RAD51B: variants seen among roughly 807,000 people sequenced by gnomAD.
RAD51B encodes RAD51 paralog B.
Under a neutral mutation model 42.2 loss-of-function variants are expected in RAD51B, and 38 were observed. The observed-to-expected ratio is 0.90, with a 90% CI of 0.70 to 1.18. The LOEUF is 1.18. Ranked by LOEUF, RAD51B falls within the 50% of genes most tolerant of loss-of-function variation. The pLI is 0.00. For synonymous variants in RAD51B, 154 were observed against 145.2 expected, an observed-to-expected ratio of 1.06 and a Z score of -0.43; for missense variants, 373 against 400.7, an observed-to-expected ratio of 0.93 and a Z score of 0.59.
At chr14:67,961,865 G>A (rs1216804737) in intron 7 of RAD51B, among the ~76,000 whole-genome samples, 1 of 152,160 alleles carries the variant, frequency 6.6e-6, no homozygotes, top group Non-Finnish European at 1.5e-5. Context: ...AAGGAAAAGA[G>A]ATCGCTGACT....
intron 10 of RAD51B, among the ~76,000 whole-genome samples, chr14:68,513,086 C>T (rs1334307762): frequency 6.6e-6 from 1 of 152,084 alleles, no homozygotes; most frequent in East Asian, 1.9e-4. Flanking sequence ...TGGGCAGGGG[C>T]CAGCCATGGA....
intron 7 of RAD51B, among the ~76,000 whole-genome samples, chr14:67,992,449 CT>C (rs1253170758): frequency 6.6e-6 from 1 of 152,136 alleles, no homozygotes; most frequent in Non-Finnish European, 1.5e-5. Context: ...TGTTGCCAAA[CT>C]ACCTTAAGGG....
At position 67,893,509 on chromosome 14, in the gene RAD51B, CAAAAAA is replaced by C. The variant is rs71129863; in HGVS notation, c.756+6309_756+6314del. Among the ~76,000 whole-genome samples the C allele has an allele frequency of 5.1e-4, 43 of 83,782 alleles. 1 individual carries two copies. Among genetic ancestry groups the C allele is most frequent in the Admixed American group, 2.3e-3 (18 of 7,828 alleles). The allele number at this position is 83,782 out of a possible 152,430, so 55.0% of individuals were successfully genotyped here. ...ACACACACACACACACACACACACACAAAAAAAAACAATTAGCTGGGTGTGGTGCTA... is the reference window on the plus strand; with the variant it reads ...ACACACACACACACACACACACACACAAACAATTAGCTGGGTGTGGTGCTA... On this transcript the variant is annotated intron_variant, in intron 7 of 10. Coordinates refer to ENST00000471583, the MANE Select transcript of RAD51B (RefSeq NM_133510.4).
chr14:68,439,438 T>TC (rs1272476444), intron 9 of RAD51B, among the ~76,000 whole-genome samples: 1 of 152,168 alleles, frequency 6.6e-6, no homozygotes, highest in Non-Finnish European at 1.5e-5. Context: ...TGTAACTAAT[T>TC]CCCCAAATTG....
chr14:67,931,650 C>T (rs897255270), intron 7 of RAD51B, among the ~76,000 whole-genome samples: 5 of 151,794 alleles, frequency 3.3e-5, no homozygotes, highest in African/African-American at 1.2e-4. Flanking sequence ...TTACAGGTGC[C>T]CACCACCACG....
At chr14:68,418,783 T>C (rs886723605) in intron 9 of RAD51B, among the ~76,000 whole-genome samples, 1 of 152,248 alleles carries the variant, frequency 6.6e-6, no homozygotes, top group Non-Finnish European at 1.5e-5. Context: ...TGTTTTATTT[T>C]AGCCTTAGCT....
At chr14:68,083,585 T>A (rs1438591466) in intron 7 of RAD51B, among the ~76,000 whole-genome samples, 1 of 152,154 alleles carries the variant, frequency 6.6e-6, no homozygotes, top group Non-Finnish European at 1.5e-5. Context: ...AAACGTGATA[T>A]CTAGGAAAGA....
downstream of RAD51B, among the ~76,000 whole-genome samples, chr14:68,614,865 G>A (rs1434851048): frequency 6.6e-6 from 1 of 152,100 alleles, no homozygotes; most frequent in Non-Finnish European, 1.5e-5. Flanking sequence ...AATACTCTTG[G>A]GTACATACCT....
chr14:68,135,273 A>G (rs2077984405), intron 7 of RAD51B, among the ~76,000 whole-genome samples: 1 of 152,256 alleles, frequency 6.6e-6, no homozygotes, highest in Admixed American at 6.5e-5. Flanking sequence ...GAAAGAGGAC[A>G]TGTGATTCTA....
chr14:68,491,981 C>T (rs915449047), intron 10 of RAD51B, among the ~76,000 whole-genome samples: 2 of 152,248 alleles, frequency 1.3e-5, no homozygotes, highest in Admixed American at 1.3e-4. Flanking sequence ...GCTTCTTCGC[C>T]TCTCACAGCT....
intron 5 of RAD51B, among the ~76,000 whole-genome samples, chr14:67,882,624 A>G (rs754828154): frequency 1.2e-4 from 19 of 152,190 alleles, no homozygotes; most frequent in Non-Finnish European, 2.6e-4. Context: ...TGTTTCCCCC[A>G]TGAAGGAAAT....
At chr14:68,603,832 C>T (rs572226707) in intron 10 of RAD51B, among the ~76,000 whole-genome samples, 4 of 152,244 alleles carry the variant, frequency 2.6e-5, no homozygotes, top group African/African-American at 9.6e-5. Flanking sequence ...GCCGCGCTGG[C>T]CCCCTGTCCG....
chr14:68,204,709 AAAAT>A (rs2079552425), intron 7 of RAD51B, among the ~76,000 whole-genome samples: 2 of 152,330 alleles, frequency 1.3e-5, no homozygotes, highest in Admixed American at 1.3e-4. Context: ...AATTTTTTAA[AAAAT>A]AGCCGTTTAC....
At chr14:68,437,962 G>A (rs1357437842) in intron 9 of RAD51B, among the ~76,000 whole-genome samples, 3 of 152,150 alleles carry the variant, frequency 2.0e-5, no homozygotes, top group African/African-American at 7.2e-5. Flanking sequence ...TCTGAGGTGG[G>A]AACTACAAAT....
intron 10 of RAD51B, chr14:68,540,788 G>C: frequency 1.0e-6 from 1 of 985,392 alleles, no homozygotes; most frequent in Non-Finnish European, 1.2e-6. Flanking sequence ...AGGTTGAGTA[G>C]AATTTCAACA....
intron 5 of RAD51B, among the ~76,000 whole-genome samples, chr14:67,880,573 A>ATTT (rs1462126299): frequency 6.6e-6 from 1 of 152,228 alleles, no homozygotes; most frequent in Non-Finnish European, 1.5e-5. Flanking sequence ...CCCCTGCTTT[A>ATTT]TTTAACTCCT....
At chr14:68,166,657 A>G (rs2140842575) in intron 7 of RAD51B, among the ~76,000 whole-genome samples, 1 of 152,284 alleles carries the variant, frequency 6.6e-6, no homozygotes, top group South Asian at 2.1e-4. Context: ...TGTTGAATTC[A>G]TCATTCCCAT....
At chr14:68,438,806 G>C (rs1488829340) in intron 9 of RAD51B, among the ~76,000 whole-genome samples, 1 of 152,178 alleles carries the variant, frequency 6.6e-6, no homozygotes, top group East Asian at 1.9e-4. Flanking sequence ...AGAGAGGAGA[G>C]GGCCCTATGG....
intron 11 of RAD51B, among the ~76,000 whole-genome samples, chr14:68,673,537 CACAT>C (rs1213800076): frequency 6.6e-6 from 1 of 151,160 alleles, no homozygotes; most frequent in Non-Finnish European, 1.5e-5. Context: ...CACACACATA[CACAT>C]ACATATGTAC....
Sources: gnomAD v4.1 joint callset for allele counts (sites outside exome capture counted in the v4.1 genomes callset) on GRCh38, gnomAD v4.1.1 for gene constraint, MANE v1.5 for transcripts, NCBI Gene and HGNC (gene_info 2026-07-23, HGNC 2026-07-21) for gene names.